Variants in MAGI2 observed in about 807,000 individuals in gnomAD.
MAGI2 encodes the protein membrane-associated guanylate kinase, WW and PDZ domain-containing protein 2.
In MAGI2, 35 loss-of-function variants were observed where a neutral mutation model predicts 133.3. The observed-to-expected ratio is 0.26, with a 90% CI of 0.20 to 0.35. The LOEUF (loss-of-function observed/expected upper bound fraction) is 0.35, where lower values mean the gene tolerates loss of function less well. MAGI2 is among the 10% of genes least tolerant of loss of function. The pLI is 1.00. For synonymous variants in MAGI2, 729 were observed against 710.6 expected (o/e 1.03, Z -0.41); for missense variants, 1,636 against 1,863.4 (o/e 0.88, Z 2.25).
chr7:78,475,538 A>G (rs1772987298), intron 6 of MAGI2, among the ~76,000 whole-genome samples: 1 of 152,042 alleles, frequency 6.6e-6, no homozygotes, highest in Non-Finnish European at 1.5e-5. Context: ...TTGAAAGGAA[A>G]GGTAATATAA....
At chr7:79,227,994 G>A (rs987372416) in intron 1 of MAGI2, among the ~76,000 whole-genome samples, 1 of 152,072 alleles carries the variant, frequency 6.6e-6, no homozygotes, top group Non-Finnish European at 1.5e-5. Flanking sequence ...TGTGGCCAGG[G>A]TAAAGCTAAA....
At chr7:78,275,461 A>G (rs1383403124) in intron 9 of MAGI2, among the ~76,000 whole-genome samples, 1 of 151,778 alleles carries the variant, frequency 6.6e-6, no homozygotes, top group African/African-American at 2.4e-5. Context: ...GTTGTGGCCC[A>G]TAGGGAGAAT....
At chr7:78,450,846 CA>C (rs1489914906) in intron 6 of MAGI2, among the ~76,000 whole-genome samples, 1 of 152,014 alleles carries the variant, frequency 6.6e-6, no homozygotes, top group African/African-American at 2.4e-5. Flanking sequence ...CTCATTCATT[CA>C]ATACTTGGTC....
rs565498938 is a variant in MAGI2 at position 78,106,149 on chromosome 7, A to T, written c.3567+19545T>A. ...CTGTACCTGGCTTATTTCATGTAAC[A>T]TAATTTCCTCCAGTTCCATTCATGT... On this transcript the variant is annotated intron_variant, in intron 20 of 21. Transcript: ENST00000354212. Among the ~76,000 whole-genome samples the T allele has an allele frequency of 3.9e-5, 6 of 152,308 alleles. No individual in the cohort carries two copies. In the East Asian group the frequency reaches 7.7e-4, roughly 20 times the overall value.
At chr7:78,506,729 G>C (rs2150543915) in intron 4 of MAGI2, among the ~76,000 whole-genome samples, 1 of 152,330 alleles carries the variant, frequency 6.6e-6, no homozygotes, top group Non-Finnish European at 1.5e-5. Context: ...GGTGACACTG[G>C]CTGCCAGTTA....
chr7:78,350,722 C>A (rs1014584846), intron 7 of MAGI2, among the ~76,000 whole-genome samples: 1 of 152,260 alleles, frequency 6.6e-6, no homozygotes, highest in African/African-American at 2.4e-5. Flanking sequence ...GTTTGCCTGC[C>A]ATTTTCTTCA....
At chr7:78,352,940 T>C (rs548619755) in intron 7 of MAGI2, 1 of 152,326 alleles carries the variant, frequency 6.6e-6, no homozygotes, top group East Asian at 1.9e-4. Context: ...GTGTGCACCA[T>C]CAATCATGTC....
At chr7:78,289,762 C>A (rs552775624) in intron 9 of MAGI2, among the ~76,000 whole-genome samples, 66 of 152,302 alleles carry the variant, frequency 4.3e-4, no homozygotes, top group Middle Eastern at 6.8e-3. Context: ...GATCTCCCTG[C>A]AGAAACCCTA....
intron 6 of MAGI2, among the ~76,000 whole-genome samples, chr7:78,461,627 G>T (rs1462776545): frequency 6.6e-6 from 1 of 151,938 alleles, no homozygotes; most frequent in Non-Finnish European, 1.5e-5. Context: ...AAAAGAAACA[G>T]CAGGCCAGAC....
chr7:78,287,029 G>T (rs1037060996), intron 9 of MAGI2, among the ~76,000 whole-genome samples: 3 of 152,140 alleles, frequency 2.0e-5, no homozygotes, highest in African/African-American at 7.2e-5. Context: ...CCAGGCTAAG[G>T]AATTATCTTT....
chr7:79,022,837 T>A (rs1809482626), intron 1 of MAGI2, among the ~76,000 whole-genome samples: 1 of 152,046 alleles, frequency 6.6e-6, no homozygotes, highest in Non-Finnish European at 1.5e-5. Flanking sequence ...CAATAACAAA[T>A]TCTGAAATTG....
At chr7:78,276,821 AGAG>A (rs1795107213) in intron 9 of MAGI2, among the ~76,000 whole-genome samples, 1 of 152,138 alleles carries the variant, frequency 6.6e-6, no homozygotes, top group Non-Finnish European at 1.5e-5. Flanking sequence ...AATTCATGGT[AGAG>A]GAGAAGAATG....
At chr7:79,186,748 A>C (rs1036481188) in intron 1 of MAGI2, among the ~76,000 whole-genome samples, 3 of 79,994 alleles carry the variant, frequency 3.8e-5, no homozygotes, top group Non-Finnish European at 8.7e-5. Flanking sequence ...TATTTATACA[A>C]AAGTATATAT....
intron 2 of MAGI2, among the ~76,000 whole-genome samples, chr7:78,862,480 A>G (rs753498461): frequency 3.4e-4 from 52 of 152,280 alleles, no homozygotes; most frequent in Non-Finnish European, 2.5e-4. Flanking sequence ...TAAATTATGG[A>G]GTTTGTCCAG....
intron 2 of MAGI2, among the ~76,000 whole-genome samples, chr7:78,840,712 G>T (rs987086542): frequency 1.3e-5 from 2 of 151,958 alleles, no homozygotes; most frequent in Non-Finnish European, 2.9e-5. Context: ...AAGAGCTGAG[G>T]CTTGTCAGCA....
chr7:78,028,734 A>G (rs2151054560), intron 21 of MAGI2, among the ~76,000 whole-genome samples: 1 of 151,906 alleles, frequency 6.6e-6, no homozygotes, highest in Admixed American at 6.6e-5. Flanking sequence ...ACGTGCCTGT[A>G]ATCCCAGCTA....
intron 3 of MAGI2, among the ~76,000 whole-genome samples, chr7:78,567,393 T>TACACACAC (rs34795351): frequency 4.7e-5 from 7 of 148,136 alleles, no homozygotes; most frequent in African/African-American, 7.4e-5. Flanking sequence ...GCCTACACAC[T>TACACACAC]ACACACACAC....
intron 9 of MAGI2, among the ~76,000 whole-genome samples, chr7:78,340,186 T>C (rs868311866): frequency 2.6e-5 from 4 of 152,294 alleles, no homozygotes; most frequent in Middle Eastern, 3.4e-3. Flanking sequence ...ACTAAATAAA[T>C]GTGAAAAACA....
At chr7:79,380,362 C>T (rs1843691341) in intron 1 of MAGI2, among the ~76,000 whole-genome samples, 1 of 151,798 alleles carries the variant, frequency 6.6e-6, no homozygotes, top group Non-Finnish European at 1.5e-5. Context: ...TTCCCTTCTG[C>T]TCTATAACAA....
Sources: gnomAD v4.1 joint callset for allele counts (sites outside exome capture counted in the v4.1 genomes callset) on GRCh38, gnomAD v4.1.1 for gene constraint, MANE v1.5 for transcripts, NCBI Gene and HGNC (gene_info 2026-07-23, HGNC 2026-07-21) for gene names.